KCNK13: variants seen among roughly 807,000 people sequenced by gnomAD.
KCNK13 encodes the protein potassium channel subfamily K member 13.
A neutral mutation model predicts 23.4 loss-of-function variants in KCNK13; 12 were observed. That is an observed-to-expected ratio of 0.51 (90% CI 0.33 to 0.83). KCNK13 has a LOEUF of 0.83. Ranked by LOEUF, KCNK13 falls within the 40% of genes least tolerant of loss-of-function variation. The pLI is 0.02. For synonymous variants in KCNK13, 231 were observed against 229.5 expected, an observed-to-expected ratio of 1.01 and a Z score of -0.06; for missense variants, 463 against 556.3, an observed-to-expected ratio of 0.83 and a Z score of 1.69.
At chr14:90,174,913 A>C (rs1890406342) in intron 1 of KCNK13, among the ~76,000 whole-genome samples, 1 of 152,152 alleles carries the variant, frequency 6.6e-6, no homozygotes, top group Admixed American at 6.5e-5. Flanking sequence ...TAGGGTCAGC[A>C]GAGAAGAATG....
intron 1 of KCNK13, among the ~76,000 whole-genome samples, chr14:90,146,360 G>A (rs1023846185): frequency 1.3e-5 from 2 of 152,148 alleles, no homozygotes; most frequent in East Asian, 1.9e-4. Context: ...CTGTCACCCA[G>A]GCTGGAGTGC....
At chr14:90,154,703 G>A (rs1890175080) in intron 1 of KCNK13, among the ~76,000 whole-genome samples, 4 of 152,204 alleles carry the variant, frequency 2.6e-5, no homozygotes, top group African/African-American at 9.7e-5. Flanking sequence ...TACATAAATG[G>A]TTACTTGTAG....
At chr14:90,159,941 G>T (rs1426986613) in intron 1 of KCNK13, among the ~76,000 whole-genome samples, 1 of 81,074 alleles carries the variant, frequency 1.2e-5, no homozygotes, top group African/African-American at 4.0e-5. Context: ...TCGTGTGTGT[G>T]TAGGGGTGTG....
intron 1 of KCNK13, among the ~76,000 whole-genome samples, chr14:90,168,100 G>C (rs1484661474): frequency 6.6e-6 from 1 of 152,186 alleles, no homozygotes; most frequent in Non-Finnish European, 1.5e-5. Flanking sequence ...GGGGCGGGGT[G>C]TGGTGGCTCA....
chr14:90,134,469 GTAGGAA>G (rs1172400557), intron 1 of KCNK13, among the ~76,000 whole-genome samples: 1 of 152,128 alleles, frequency 6.6e-6, no homozygotes, highest in Non-Finnish European at 1.5e-5. Context: ...TTGGACATAG[GTAGGAA>G]TTTTAAGAAA....
chr14:90,128,021 CCT>C, intron 1 of KCNK13, among the ~76,000 whole-genome samples: 1 of 152,030 alleles, frequency 6.6e-6, no homozygotes. Context: ...ATTCTTGTCC[CCT>C]GTGTTAAATA....
chr14:90,179,352 GA>G (rs921016725), intron 1 of KCNK13, among the ~76,000 whole-genome samples: 1 of 150,016 alleles, frequency 6.7e-6, no homozygotes, highest in Non-Finnish European at 1.5e-5. Flanking sequence ...ATTGAATTTT[GA>G]AAAAAAATAC....
chr14:90,091,308 T>G (rs1256566259), intron 1 of KCNK13, among the ~76,000 whole-genome samples: 1 of 152,174 alleles, frequency 6.6e-6, no homozygotes, highest in Admixed American at 6.5e-5. Context: ...GCGCAAGAGC[T>G]TTTCCACTTA....
chr14:90,065,584 G>A (rs1310325688), intron 1 of KCNK13, among the ~76,000 whole-genome samples: 1 of 152,234 alleles, frequency 6.6e-6, no homozygotes, highest in East Asian at 1.9e-4. Context: ...AAGCTTGGAA[G>A]CAAAGCAAAG....
chr14:90,066,163 A>T (rs1238586924), intron 1 of KCNK13, among the ~76,000 whole-genome samples: 1 of 133,210 alleles, frequency 7.5e-6, no homozygotes, highest in Non-Finnish European at 1.6e-5. Context: ...TTTAGTGGAG[A>T]TGGGGTTTTG....
chr14:90,167,247 G>C (rs1890314092), intron 1 of KCNK13, among the ~76,000 whole-genome samples: 1 of 152,158 alleles, frequency 6.6e-6, no homozygotes, highest in Admixed American at 6.5e-5. Flanking sequence ...ACCTAGAGAG[G>C]TTTAACCCTC....
At chr14:90,164,689 C>T (rs1890284105) in intron 1 of KCNK13, among the ~76,000 whole-genome samples, 1 of 152,150 alleles carries the variant, frequency 6.6e-6, no homozygotes, top group African/African-American at 2.4e-5. Flanking sequence ...TGAAAGAACA[C>T]ATACTGTAAA....
chr14:90,141,709 C>T (rs1266769222), intron 1 of KCNK13, among the ~76,000 whole-genome samples: 2 of 151,610 alleles, frequency 1.3e-5, no homozygotes, highest in Non-Finnish European at 2.9e-5. Flanking sequence ...CTGCTGGGCT[C>T]GGCCTCCCAA....
chr14:90,107,869 G>C (rs967136002), intron 1 of KCNK13: 1 of 822,336 alleles, frequency 1.2e-6, no homozygotes, highest in Non-Finnish European at 2.2e-6. Context: ...AACAGCTCAC[G>C]GGAGCAAGAA....
In KCNK13 at chr14:90,185,390, G is replaced by A. The variant is rs138509439; in HGVS notation, c.*387G>A. 7.9e-4 allele frequency: 130 copies of A among 164,836 alleles called. No individual in the cohort carries two copies. The South Asian group carries it at 0.012, about 16-fold the overall frequency. 10.2% of individuals were successfully genotyped at this position (164,836 alleles called of 1,614,324 possible). On this transcript the variant is annotated 3_prime_UTR_variant, in exon 2 of 2. Transcript: ENST00000282146. ...TTCCTTATTTGGGAACAAAAATTGC[G>A]AAGACTCATCTTTCCCTAGAACTCT... is the stretch of plus-strand genomic sequence containing the variant.
intron 1 of KCNK13, among the ~76,000 whole-genome samples, chr14:90,182,160 A>G (rs1228062226): frequency 2.6e-5 from 4 of 152,184 alleles, no homozygotes; most frequent in Non-Finnish European, 2.9e-5. Flanking sequence ...TATACTTGGT[A>G]TCTTCCTCTA....
intron 1 of KCNK13, among the ~76,000 whole-genome samples, chr14:90,110,838 G>A (rs568302632): frequency 1.2e-4 from 19 of 152,024 alleles, no homozygotes; most frequent in African/African-American, 2.9e-4. Context: ...GTGAAACCCC[G>A]TCTCTACTAA....
intron 1 of KCNK13, among the ~76,000 whole-genome samples, chr14:90,157,770 C>T (rs1468211190): frequency 1.5e-4 from 21 of 138,346 alleles, no homozygotes; most frequent in African/African-American, 5.4e-5. Context: ...GGCCTGATCT[C>T]GGCTCACTGC....
rs546423368 is a variant in KCNK13 at position 90,101,790 on chromosome 14, C to CAAAAAAAAAAAAA, written c.334+39261_334+39273dup. Among the ~76,000 whole-genome samples, 483 of 55,542 alleles carry CAAAAAAAAAAAAA rather than the reference C, an allele frequency of 8.7e-3. 56 individuals carry two copies. The highest frequency in any genetic ancestry group is 0.034 in the East Asian group (74 of 2,196). The allele number at this position is 55,542 out of a possible 152,430, so 36.4% of individuals were successfully genotyped here. A position where few individuals can be genotyped will look rare whatever the true frequency, so the allele number is the denominator to read the frequency against. On this transcript the variant is annotated intron_variant, in intron 1 of 1. Coordinates refer to ENST00000282146, the MANE Select transcript of KCNK13 (RefSeq NM_022054.4). ...GGGCAACAGAGTGAGACTCCGTCTCCAAAAAAAAAAAAAAAAAAAAAACCT... is the reference window on the plus strand; with the variant it reads ...GGGCAACAGAGTGAGACTCCGTCTCCAAAAAAAAAAAAAAAAAAAAAAAAAAAAAAAAAAACCT...
Sources: gnomAD v4.1 joint callset for allele counts (sites outside exome capture counted in the v4.1 genomes callset) on GRCh38, gnomAD v4.1.1 for gene constraint, MANE v1.5 for transcripts, NCBI Gene and HGNC (gene_info 2026-07-23, HGNC 2026-07-21) for gene names.